PLA2R1: variants seen among roughly 807,000 people sequenced by gnomAD.
The protein encoded by PLA2R1 is secretory phospholipase A2 receptor.
A neutral mutation model predicts 195.9 loss-of-function variants in PLA2R1; 158 were observed. The ratio of observed to expected loss-of-function variants is 0.81; its 90% CI spans 0.71 to 0.92. The LOEUF is 0.92. Ranked by LOEUF, PLA2R1 falls within the 40% of genes least tolerant of loss-of-function variation. PLA2R1 has a pLI of 0.00. For missense variants in PLA2R1, 1,626 were observed against 1,764.6 expected (o/e 0.92, Z 1.41); for synonymous variants, 586 against 598.2 (o/e 0.98, Z 0.30).
At chr2:159,992,772 G>A (rs996229283) in intron 11 of PLA2R1, among the ~76,000 whole-genome samples, 1 of 152,184 alleles carries the variant, frequency 6.6e-6, no homozygotes, top group Admixed American at 6.5e-5. Context: ...CTATACTACA[G>A]GGCACTTTCA....
At position 159,954,856 on chromosome 2, in the gene PLA2R1, C is replaced by T. The variant is rs186100697; in HGVS notation, c.3301+343G>A. 1.9e-3 allele frequency among the ~76,000 whole-genome samples: 286 copies of T among 152,174 alleles called. 2 individuals are homozygous for T. Among genetic ancestry groups the T allele is most frequent in the Non-Finnish European group, 3.2e-3 (215 of 68,014 alleles). On this transcript the variant is annotated intron_variant, in intron 23 of 29. Coordinates refer to ENST00000283243, the MANE Select transcript of PLA2R1 (RefSeq NM_007366.5). The stretch of plus-strand genomic sequence containing the variant: ...GGAGCAAATATGAGTTGGTTTATTT[C>T]CTTGATTCTTTCCCAACATTTTCTC...
intron 1 of PLA2R1, 51 bp downstream of exon 1, chr2:160,062,244 C>T (rs1696012156): frequency 1.5e-6 from 2 of 1,305,034 alleles, no homozygotes; most frequent in South Asian, 3.2e-5. Flanking sequence ...TCGACCACCC[C>T]GACCCCCCTC....
chr2:159,926,027 A>C, the PLA2R1 span, among the ~76,000 whole-genome samples: 1 of 152,222 alleles, frequency 6.6e-6, no homozygotes, highest in African/African-American at 2.4e-5. Flanking sequence ...ATGAATTAAT[A>C]CTTCTGCTTC....
chr2:159,936,690 C>T lies in PLA2R1; in HGVS notation c.*5088G>A, dbSNP rs1686852511. 6.6e-6 allele frequency: 1 copy of T among 152,134 alleles called. No homozygotes were observed. 9.4% of individuals were successfully genotyped at this position (152,134 alleles called of 1,614,324 possible). ...AGCCAATGACACGCGAGTGGAAGTG[C>T]CACGTGTTTCTTCCTAAACCTGGGA... is the stretch of plus-strand genomic sequence containing the variant. On this transcript the variant is annotated 3_prime_UTR_variant, in exon 30 of 30. Transcript: ENST00000283243.
In PLA2R1 at chr2:159,987,232, T is replaced by C; in HGVS notation, c.1961A>G (p.Glu654Gly). The C allele has an allele frequency of 6.2e-7, 1 of 1,613,070 alleles. No individual in the cohort carries two copies. Residue 654 changes from glutamate to glycine, a missense_variant, in exon 12 of 30, where the codon GAG becomes GGG. Glu to Gly is a moderately conservative substitution (Grantham distance 98, BLOSUM62 -2). Transcript: ENST00000283243. ...KQPVENQEKA[E>G]YEERWPFHPC... Reference sequence around the variant, plus strand: ...GTGAAAGGGCCATCTCTCTTCATACTCTGCTTTTTCCTGATTTTCAACTGG... The same window carrying C: ...GTGAAAGGGCCATCTCTCTTCATACCCTGCTTTTTCCTGATTTTCAACTGG...
At chr2:160,058,081 C>T (rs1695689563) in intron 1 of PLA2R1, among the ~76,000 whole-genome samples, 1 of 152,068 alleles carries the variant, frequency 6.6e-6, no homozygotes, top group Admixed American at 6.6e-5. Flanking sequence ...CATGTCCTCA[C>T]TCCCTTACCA....
chr2:160,033,205 T>C (rs1220096283), intron 3 of PLA2R1, 73 bp from the exon 4 acceptor site: 1 of 1,159,706 alleles, frequency 8.6e-7, no homozygotes, highest in Admixed American at 2.4e-5. Context: ...AAGGTAAGTC[T>C]GAATGGAATT....
At chr2:160,026,645 A>C (rs1207802921) in intron 6 of PLA2R1, among the ~76,000 whole-genome samples, 4 of 152,198 alleles carry the variant, frequency 2.6e-5, no homozygotes. Flanking sequence ...AACCACAACG[A>C]GGTGCCTCCA....
intron 25 of PLA2R1, among the ~76,000 whole-genome samples, chr2:159,949,164 T>G (rs2125926372): frequency 6.6e-6 from 1 of 152,260 alleles, no homozygotes; most frequent in Admixed American, 6.5e-5. Flanking sequence ...ATGTTTCTCA[T>G]CTAATTTCCC....
In PLA2R1 at chr2:160,062,055, AC is replaced by A. The variant is rs574945185; in HGVS notation, c.109+239del. Among the ~76,000 whole-genome samples, 511 of 150,384 alleles carry A rather than the reference AC, an allele frequency of 3.4e-3. 1 individual carries two copies. Among genetic ancestry groups the A allele is most frequent in the African/African-American group, 0.012 (484 of 40,822 alleles). On this transcript the variant is annotated intron_variant, in intron 1 of 29. Transcript: ENST00000283243. Reference sequence around the variant, plus strand: ...CAAGCCCCCCCGCCCCCGCCGCCCGACCCCCGCAGGAGCCAGGAGGGTGCCG... The same window carrying A: ...CAAGCCCCCCCGCCCCCGCCGCCCGACCCCGCAGGAGCCAGGAGGGTGCCG...
intron 1 of PLA2R1, 39 bp from the exon 2 acceptor site, chr2:160,045,196 A>G (rs774647157): frequency 6.7e-7 from 1 of 1,498,452 alleles, no homozygotes; most frequent in Non-Finnish European, 9.1e-7. Flanking sequence ...AAATTTTCAT[A>G]TATAATTAAC....
At chr2:159,964,349 A>G (rs946009638) in intron 20 of PLA2R1, among the ~76,000 whole-genome samples, 4 of 152,202 alleles carry the variant, frequency 2.6e-5, no homozygotes, top group African/African-American at 9.6e-5. Context: ...ATGCCATTGA[A>G]TTGTACACTC....
At chr2:160,050,637 C>T (rs920028829) in intron 1 of PLA2R1, among the ~76,000 whole-genome samples, 1 of 152,162 alleles carries the variant, frequency 6.6e-6, no homozygotes, top group Non-Finnish European at 1.5e-5. Flanking sequence ...CTTGATGTGG[C>T]ATGGTTTAGG....
At chr2:160,045,236 CTAAGT>C in intron 1 of PLA2R1, 79 bp from the exon 2 acceptor site, 4 of 1,143,960 alleles carry the variant, frequency 3.5e-6, no homozygotes, top group Non-Finnish European at 5.0e-6. Flanking sequence ...GTGTGCATAT[CTAAGT>C]GCGATATGCG....
chr2:159,987,613 G>C (rs1231249564), intron 11 of PLA2R1, among the ~76,000 whole-genome samples: 1 of 152,166 alleles, frequency 6.6e-6, no homozygotes, highest in Non-Finnish European at 1.5e-5. Flanking sequence ...TTTGTGCTCA[G>C]ATGGCAAATG....
chr2:160,011,946 G>T (rs1220989488), intron 10 of PLA2R1, among the ~76,000 whole-genome samples: 3 of 103,774 alleles, frequency 2.9e-5, no homozygotes, highest in Admixed American at 8.4e-5. Context: ...CCATTTGAGT[G>T]TGTGTGTGTG....
chr2:159,927,319 C>A (rs1185977770), downstream of PLA2R1, among the ~76,000 whole-genome samples: 1 of 152,150 alleles, frequency 6.6e-6, no homozygotes, highest in Non-Finnish European at 1.5e-5. Flanking sequence ...AGGTGACTTG[C>A]AGGGCTGTTT....
chr2:160,039,476 CT>C (rs905938662), intron 3 of PLA2R1, among the ~76,000 whole-genome samples: 18 of 151,144 alleles, frequency 1.2e-4, no homozygotes, highest in South Asian at 4.2e-4. Context: ...TTACAATCAA[CT>C]TTTTTTTTAA....
At position 159,955,829 on chromosome 2, in the gene PLA2R1, C is replaced by A; in HGVS notation, c.3023-1G>T. 6.3e-7 allele frequency: 1 copy of A among 1,590,456 alleles called. No individual in the cohort carries two copies. Among genetic ancestry groups the A allele is most frequent in the Non-Finnish European group, 8.6e-7 (1 of 1,164,062 alleles). On this transcript the variant is annotated splice_acceptor_variant, in intron 21 of 29. Transcript: ENST00000283243. LOFTEE classifies it high-confidence loss of function. ...CCAAAAAGATTCATAGTAATGAAAG[C>A]TGAAAAACAGGAATACATTATCTAA...
Sources: allele counts gnomAD v4.1 joint callset (sites outside exome capture counted in the v4.1 genomes callset), GRCh38; gene constraint gnomAD v4.1.1; transcripts MANE v1.5; gene names NCBI Gene and HGNC (gene_info 2026-07-23, HGNC 2026-07-21).